The following ADAMTS19 variants were observed in gnomAD, a reference collection of about 807,000 sequenced individuals.
ADAMTS19 encodes the protein ADAM metallopeptidase with thrombospondin type 1 motif 19, also known as A disintegrin and metalloproteinase with thrombospondin motifs 19.
A neutral mutation model predicts 153.3 loss-of-function variants in ADAMTS19; 93 were observed. The observed-to-expected ratio is 0.61, with a 90% CI of 0.51 to 0.72. The LOEUF (loss-of-function observed/expected upper bound fraction) is 0.72, where lower values mean the gene tolerates loss of function less well. ADAMTS19 is among the 30% of genes least tolerant of loss of function. The pLI is 0.00. For missense variants in ADAMTS19, 1,482 were observed against 1,552.1 expected (o/e 0.95, Z 0.76); for synonymous variants, 600 against 556.6 (o/e 1.08, Z -1.10).
At chr5:129,537,121 T>G (rs13177502) in intron 6 of ADAMTS19, among the ~76,000 whole-genome samples, 4 of 151,256 alleles carry the variant, frequency 2.6e-5, no homozygotes, top group Admixed American at 6.6e-5. Context: ...TGAAGGATAT[T>G]AACAGACACT....
At chr5:129,505,555 TAGTGTCAGCAC>T (rs1751243486) in intron 2 of ADAMTS19, among the ~76,000 whole-genome samples, 3 of 152,290 alleles carry the variant, frequency 2.0e-5, no homozygotes, top group South Asian at 4.1e-4. Context: ...AAGTTGGTTT[TAGTGTCAGCAC>T]ATCTACATGG....
intron 6 of ADAMTS19, among the ~76,000 whole-genome samples, chr5:129,540,359 G>A (rs1752614429): frequency 6.6e-6 from 1 of 152,084 alleles, no homozygotes. Flanking sequence ...AGCTGACCTA[G>A]TTATGCTTCT....
intron 19 of ADAMTS19, among the ~76,000 whole-genome samples, chr5:129,699,422 CA>C (rs536240544): frequency 0.26 from 20,641 of 80,434 alleles, 1,081 homozygotes; most frequent in Middle Eastern, 0.32. Flanking sequence ...GACTTCATCT[CA>C]AAAAAAAAAA....
chr5:129,564,136 A>G (rs1753621614), intron 7 of ADAMTS19, among the ~76,000 whole-genome samples: 1 of 152,112 alleles, frequency 6.6e-6, no homozygotes, highest in Admixed American at 6.6e-5. Context: ...CTCTTAAAGC[A>G]GAAGCAAGGC....
At chr5:129,698,881 A>C (rs1349338985) in intron 19 of ADAMTS19, among the ~76,000 whole-genome samples, 1 of 152,222 alleles carries the variant, frequency 6.6e-6, no homozygotes, top group Non-Finnish European at 1.5e-5. Context: ...CCAAAGCAAA[A>C]TGGCAGGTCT....
chr5:129,542,670 G>A (rs540421784), intron 6 of ADAMTS19, among the ~76,000 whole-genome samples: 8 of 152,162 alleles, frequency 5.3e-5, no homozygotes, highest in South Asian at 4.1e-4. Flanking sequence ...AAATTTGGAT[G>A]TATCTTCCCT....
At chr5:129,595,739 G>A (rs1561591480) in intron 7 of ADAMTS19, among the ~76,000 whole-genome samples, 1 of 151,748 alleles carries the variant, frequency 6.6e-6, no homozygotes, top group African/African-American at 2.4e-5. Flanking sequence ...ACATATAGTG[G>A]ATCAAAAATA....
At chr5:129,527,958 T>C in intron 5 of ADAMTS19, 127 bp downstream of exon 5, 1 of 538,142 alleles carries the variant, frequency 1.9e-6, no homozygotes, top group Non-Finnish European at 3.3e-6. Context: ...ACTTAAAGTA[T>C]ACATAAAACT....
intron 2 of ADAMTS19, among the ~76,000 whole-genome samples, chr5:129,499,652 T>A (rs1464299959): frequency 6.6e-6 from 1 of 152,132 alleles, no homozygotes; most frequent in Non-Finnish European, 1.5e-5. Flanking sequence ...TTGAAAGATA[T>A]ACCACAAGAA....
chr5:129,644,147 A>C (rs1304242445), intron 11 of ADAMTS19, among the ~76,000 whole-genome samples: 1 of 152,216 alleles, frequency 6.6e-6, no homozygotes, highest in Non-Finnish European at 1.5e-5. Flanking sequence ...AAACAAAAGT[A>C]AAAAGTTTTA....
At chr5:129,484,481 G>A (rs922188564) in intron 2 of ADAMTS19, among the ~76,000 whole-genome samples, 1 of 151,872 alleles carries the variant, frequency 6.6e-6, no homozygotes, top group African/African-American at 2.4e-5. Context: ...GCATTGTTTT[G>A]TTTTTAAAAT....
At chr5:129,496,477 AC>A (rs1237919717) in intron 2 of ADAMTS19, among the ~76,000 whole-genome samples, 3 of 152,036 alleles carry the variant, frequency 2.0e-5, no homozygotes, top group African/African-American at 7.2e-5. Flanking sequence ...TTCTCTGACT[AC>A]CAGTGCTATG....
chr5:129,539,241 A>G (rs534363948), intron 6 of ADAMTS19, among the ~76,000 whole-genome samples: 7 of 152,186 alleles, frequency 4.6e-5, no homozygotes, highest in Middle Eastern at 3.4e-3. Context: ...GGCATATTTG[A>G]GTGGTTCAGT....
intron 22 of ADAMTS19, among the ~76,000 whole-genome samples, chr5:129,736,732 A>G (rs1356423817): frequency 2.0e-5 from 3 of 152,096 alleles, no homozygotes; most frequent in Non-Finnish European, 2.9e-5. Context: ...TATTGAGCAC[A>G]TTTATTTTTC....
intron 2 of ADAMTS19, among the ~76,000 whole-genome samples, chr5:129,492,533 A>G (rs12109350): frequency 0.017 from 1,941 of 114,082 alleles, 40 homozygotes; most frequent in African/African-American, 0.075. Context: ...GTGTGTGTGT[A>G]TGTGTATATA....
rs532359070 is a variant in ADAMTS19 at position 129,657,508 on chromosome 5, G to A, written c.2305-1109G>A. On this transcript the variant is annotated intron_variant, in intron 14 of 22. Transcript: ENST00000274487. The stretch of plus-strand genomic sequence containing the variant: ...AAATCCTGCCCTTTGAGTATGTACA[G>A]CTTTGCCTCATCAATGGGAAGTAAA... Among the ~76,000 whole-genome samples the A allele has an allele frequency of 2.8e-4, 42 of 152,252 alleles. No individual in the cohort carries two copies. In the South Asian group the frequency reaches 4.6e-3, roughly 17 times the overall value.
intron 8 of ADAMTS19, among the ~76,000 whole-genome samples, chr5:129,607,332 G>A (rs1750950184): frequency 1.3e-5 from 2 of 152,280 alleles, no homozygotes; most frequent in South Asian, 4.1e-4. Context: ...GTTCCCAACT[G>A]AATAGCAATC....
At chr5:129,503,233 C>T (rs1751160005) in intron 2 of ADAMTS19, among the ~76,000 whole-genome samples, 1 of 152,054 alleles carries the variant, frequency 6.6e-6, no homozygotes, top group South Asian at 2.1e-4. Context: ...TTTTATCTTT[C>T]TGAGCATACT....
rs1157967735 is a variant in ADAMTS19, at chr5:129,460,468, A to C, written c.77A>C (p.Asn26Thr). The C allele has an allele frequency of 1.2e-6, 2 of 1,613,866 alleles. No homozygotes were observed. The highest frequency in any genetic ancestry group is 1.7e-6 in the Non-Finnish European group (2 of 1,179,944). Residue 26 changes from asparagine (N) to threonine (T), a missense_variant, in exon 1 of 23, where the codon AAT (asparagine) becomes ACT (threonine). Asn to Thr is a moderately conservative substitution (Grantham distance 65). This residue lies in a region of ADAMTS19 where 866 missense variants were observed against 827.7 expected (regional missense o/e 1.05). Coordinates refer to ENST00000274487, the MANE Select transcript of ADAMTS19 (RefSeq NM_133638.6). ...CLLYQLGFLS[N>T]GIVSELQFAP... ...CTTTACCAGCTGGGGTTCCTGTCGA[A>C]TGGGATCGTTTCAGGTAAGTTCTTC...
Sources: allele counts gnomAD v4.1 joint callset (sites outside exome capture counted in the v4.1 genomes callset), GRCh38; gene constraint gnomAD v4.1.1; regional missense constraint gnomAD v4.1.1; transcripts MANE v1.5; gene names NCBI Gene and HGNC (gene_info 2026-07-23, HGNC 2026-07-21).